CPEB1: variants seen among roughly 807,000 people sequenced by gnomAD.
CPEB1 encodes the protein cytoplasmic polyadenylation element binding protein 1, also known as cytoplasmic polyadenylation element-binding protein 1.
A neutral mutation model predicts 65.8 loss-of-function variants in CPEB1; 7 were observed. The observed-to-expected ratio is 0.11, with a 90% CI of 0.06 to 0.20. CPEB1 has a LOEUF of 0.20. CPEB1 is among the 10% of genes least tolerant of loss of function. The pLI is 1.00. For synonymous variants in CPEB1, 262 were observed against 260.0 expected, an observed-to-expected ratio of 1.01 and a Z score of -0.08; for missense variants, 551 against 712.2, an observed-to-expected ratio of 0.77 and a Z score of 2.58.
chr15:82,646,241 TCA>T lies in CPEB1; in HGVS notation c.-98+894_-98+895del, dbSNP rs1283452915. ...TTCCCGCTAGCAAGGGACCGCACCG[TCA>T]CCTGAGGGGCAGCCAAGAGGCGGGC... is the stretch of plus-strand genomic sequence containing the variant. On this transcript the variant is annotated intron_variant, in intron 1 of 12. Coordinates refer to ENST00000684509, the MANE Select transcript of CPEB1 (RefSeq NM_001365242.1). Among the ~76,000 whole-genome samples, 20 of 152,342 alleles carry T rather than the reference TCA, an allele frequency of 1.3e-4. No individual in the cohort carries two copies. The East Asian group carries it at 3.7e-3, about 28-fold the overall frequency.
At chr15:82,643,688 C>T (rs1209239658) in intron 1 of CPEB1, among the ~76,000 whole-genome samples, 2 of 151,970 alleles carry the variant, frequency 1.3e-5, no homozygotes, top group African/African-American at 4.8e-5. Context: ...CCTTTACATC[C>T]GTAAGTGTGG....
intron 4 of CPEB1, chr15:82,562,154 C>CTTTT: frequency 2.4e-6 from 1 of 415,636 alleles, no homozygotes; most frequent in Non-Finnish European, 4.7e-6. Context: ...TCACTAGCTA[C>CTTTT]TTTTTTTTTT....
At chr15:82,586,340 T>A (rs2041799411) in intron 3 of CPEB1, among the ~76,000 whole-genome samples, 1 of 151,750 alleles carries the variant, frequency 6.6e-6, no homozygotes, top group African/African-American at 2.4e-5. Context: ...TTTACATCAA[T>A]AAGCCAGTAC....
chr15:82,588,075 C>T (rs1344578577), intron 3 of CPEB1, among the ~76,000 whole-genome samples: 1 of 151,796 alleles, frequency 6.6e-6, no homozygotes, highest in Non-Finnish European at 1.5e-5. Context: ...GCACATGCCA[C>T]CACATCCAAC....
chr15:82,547,289 CTTTTTTTTTTTTT>C (rs71156035), intron 10 of CPEB1, 52 bp from the exon 11 acceptor site: 4 of 390,392 alleles, frequency 1.0e-5, no homozygotes, highest in Admixed American at 5.2e-5. Context: ...CCAAATGCTA[CTTTTTTTTTTTTT>C]TTTTTTTTTT....
rs1220319069 is a variant in CPEB1, at chr15:82,548,355, C to G, written c.1480+1105G>C. The stretch of plus-strand genomic sequence containing the variant: ...TCTCAAAAAAAAAATTTTATTTAAC[C>G]CTATATGTTAATAATATTATTTCCA... On this transcript the variant is annotated intron_variant, in intron 10 of 12. Transcript: ENST00000684509. Among the ~76,000 whole-genome samples the G allele has an allele frequency of 3.9e-5, 6 of 152,198 alleles. No individual in the cohort carries two copies. The South Asian group carries it at 6.2e-4, about 16-fold the overall frequency.
chr15:82,554,004 G>A lies in CPEB1; in HGVS notation c.941-13C>T. 4 of 1,512,502 alleles carry A rather than the reference G, an allele frequency of 2.6e-6. No homozygotes were observed. Among genetic ancestry groups the A allele is most frequent in the South Asian group, 1.2e-5 (1 of 84,784 alleles). 93.7% of individuals were successfully genotyped at this position (1,512,502 alleles called of 1,614,324 possible). A position where few individuals can be genotyped will look rare whatever the true frequency, so the allele number is the denominator to read the frequency against. On this transcript the variant is annotated splice_polypyrimidine_tract_variant and intron_variant, in intron 6 of 12. Coordinates refer to ENST00000684509, the MANE Select transcript of CPEB1 (RefSeq NM_001365242.1). ...GCTTCATTCACAGCTTTGGTAGATG[G>A]CAAAGAGATAAACAGGGGAGGTTAG... is the stretch of plus-strand genomic sequence containing the variant.
At chr15:82,582,821 A>G (rs1057415714) in intron 3 of CPEB1, among the ~76,000 whole-genome samples, 1 of 147,540 alleles carries the variant, frequency 6.8e-6, no homozygotes, top group African/African-American at 2.5e-5. Flanking sequence ...GACTCACCGC[A>G]AGCTCCGCCT....
rs1270797513 is a variant in CPEB1 at position 82,553,705 on chromosome 15, C to T, written c.1055-149G>A. On this transcript the variant is annotated intron_variant, in intron 7 of 12. Coordinates refer to ENST00000684509, the MANE Select transcript of CPEB1 (RefSeq NM_001365242.1). The stretch of plus-strand genomic sequence containing the variant: ...AATGCTGATCTCCGGTGTAAGCTCC[C>T]GACATAAGGAGCACTATGGGGGTCT... The T allele has an allele frequency of 1.8e-5, 14 of 770,950 alleles. No individual in the cohort carries two copies. In the East Asian group the frequency reaches 3.5e-4, roughly 19 times the overall value. 47.8% of individuals were successfully genotyped at this position (770,950 alleles called of 1,614,324 possible). A position where few individuals can be genotyped will look rare whatever the true frequency, so the allele number is the denominator to read the frequency against.
At chr15:82,583,029 A>G (rs986068740) in intron 3 of CPEB1, among the ~76,000 whole-genome samples, 33 of 151,988 alleles carry the variant, frequency 2.2e-4, no homozygotes, top group Non-Finnish European at 4.6e-4. Flanking sequence ...AATTCTTAAC[A>G]CTAACTCCCT....
chr15:82,629,173 C>A (rs1164493506), intron 1 of CPEB1: 1 of 696,282 alleles, frequency 1.4e-6, no homozygotes, highest in East Asian at 1.3e-4. Flanking sequence ...ATCACAGTTA[C>A]TTAACCTCTA....
At chr15:82,557,006 G>A (rs2037325234) in intron 5 of CPEB1, among the ~76,000 whole-genome samples, 1 of 152,180 alleles carries the variant, frequency 6.6e-6, no homozygotes, top group Non-Finnish European at 1.5e-5. Context: ...CAACAAAAAT[G>A]CTTATAAGGC....
intron 3 of CPEB1, among the ~76,000 whole-genome samples, chr15:82,623,970 C>A (rs1378707652): frequency 1.3e-5 from 2 of 152,164 alleles, no homozygotes; most frequent in Non-Finnish European, 2.9e-5. Flanking sequence ...ATAATGCTGT[C>A]CATAAACAAT....
chr15:82,637,749 A>G (rs2046781759), intron 1 of CPEB1, among the ~76,000 whole-genome samples: 1 of 152,206 alleles, frequency 6.6e-6, no homozygotes, highest in Admixed American at 6.5e-5. Flanking sequence ...GTACAAATCT[A>G]ATCACCTACT....
chr15:82,578,694 T>G (rs2040919450), intron 3 of CPEB1, among the ~76,000 whole-genome samples: 3 of 150,082 alleles, frequency 2.0e-5, no homozygotes, highest in South Asian at 2.1e-4. Context: ...GAGGCGGAGG[T>G]TGCAGTGAGC....
chr15:82,620,067 T>A (rs1488522388), intron 3 of CPEB1, among the ~76,000 whole-genome samples: 1 of 152,120 alleles, frequency 6.6e-6, no homozygotes, highest in Non-Finnish European at 1.5e-5. Flanking sequence ...GCAACAGGAA[T>A]CAATGACCCA....
At chr15:82,582,764 C>CA (rs2041413507) in intron 3 of CPEB1, among the ~76,000 whole-genome samples, 1 of 116,750 alleles carries the variant, frequency 8.6e-6, no homozygotes, top group Non-Finnish European at 1.7e-5. Flanking sequence ...TTTTTTGAGA[C>CA]ACAGTCTCAC....
chr15:82,619,502 A>C (rs2045093449), intron 3 of CPEB1, among the ~76,000 whole-genome samples: 1 of 152,242 alleles, frequency 6.6e-6, no homozygotes, highest in Non-Finnish European at 1.5e-5. Flanking sequence ...ACAAAGACAA[A>C]TCACAGACTC....
chr15:82,616,785 T>C (rs1336385413), intron 3 of CPEB1, among the ~76,000 whole-genome samples: 1 of 152,168 alleles, frequency 6.6e-6, no homozygotes, highest in African/African-American at 2.4e-5. Context: ...CAAAAAACCC[T>C]ATAAAAGCAA....
Sources: gnomAD v4.1 joint callset for allele counts (sites outside exome capture counted in the v4.1 genomes callset) on GRCh38, gnomAD v4.1.1 for gene constraint, MANE v1.5 for transcripts, NCBI Gene and HGNC (gene_info 2026-07-23, HGNC 2026-07-21) for gene names.